Variants in FLOT2 observed in about 807,000 individuals in gnomAD.
FLOT2 encodes the protein flotillin 2, also known as flotillin-2.
In FLOT2, 35 loss-of-function variants were observed where a neutral mutation model predicts 54.9. That is an observed-to-expected ratio of 0.64 (90% CI 0.49 to 0.84). The LOEUF (loss-of-function observed/expected upper bound fraction) is 0.84, where lower values mean the gene tolerates loss of function less well. Ranked by LOEUF, FLOT2 falls within the 40% of genes least tolerant of loss-of-function variation. The probability of loss-of-function intolerance (pLI) is 0.00; values close to 1 mark genes in which losing one functional copy is unlikely to be tolerated. For missense variants in FLOT2, 464 were observed against 572.1 expected, an observed-to-expected ratio of 0.81 and a Z score of 1.93; for synonymous variants, 207 against 228.9, an observed-to-expected ratio of 0.90 and a Z score of 0.86.
chr17:28,893,542 T>C (rs2152650406), intron 1 of FLOT2, among the ~76,000 whole-genome samples: 1 of 151,486 alleles, frequency 6.6e-6, no homozygotes, highest in Non-Finnish European at 1.5e-5. Context: ...CTTCCATACA[T>C]CGCAATGCCT....
intron 1 of FLOT2, among the ~76,000 whole-genome samples, chr17:28,891,906 C>T (rs1435706816): frequency 6.6e-6 from 1 of 152,228 alleles, no homozygotes; most frequent in Admixed American, 6.5e-5. Flanking sequence ...TCTAATACTG[C>T]TTACCAGGTA....
chr17:28,889,311 TGGGCAGA>T (rs919175891), intron 1 of FLOT2, among the ~76,000 whole-genome samples: 1 of 151,424 alleles, frequency 6.6e-6, no homozygotes, highest in African/African-American at 2.4e-5. Context: ...AACAGGACAA[TGGGCAGA>T]GGTGATCTGA....
rs775973244 is a variant in FLOT2, at chr17:28,889,028, T to G, written c.50-2A>C. Reference sequence around the variant, plus strand: ...TATAGTCGGAACCACAACAGCCCCCTGGGGAGCAAAGCAAACCACCGCAAG... The same window carrying G: ...TATAGTCGGAACCACAACAGCCCCCGGGGGAGCAAAGCAAACCACCGCAAG... On this transcript the variant is annotated splice_acceptor_variant, in intron 1 of 10. Transcript: ENST00000394908. LOFTEE classifies it high-confidence loss of function. 3 of 1,613,960 alleles carry G rather than the reference T, an allele frequency of 1.9e-6. No homozygotes were observed. Among genetic ancestry groups the G allele is most frequent in the Non-Finnish European group, 2.5e-6 (3 of 1,179,916 alleles).
chr17:28,879,887 A>G lies in FLOT2; in HGVS notation c.*674T>C, dbSNP rs1257721981. 1 of 986,054 alleles carries G rather than the reference A, an allele frequency of 1.0e-6. No individual in the cohort carries two copies. Among genetic ancestry groups the G allele is most frequent in the Non-Finnish European group, 1.2e-6 (1 of 830,098 alleles). 61.1% of individuals were successfully genotyped at this position (986,054 alleles called of 1,614,324 possible). Reference sequence around the variant, plus strand: ...CTCCTAAGGCAGTAGGAAACTGAGGAAGCTGCTGTAGACAGGAGGCCTTGC... The same window carrying G: ...CTCCTAAGGCAGTAGGAAACTGAGGGAGCTGCTGTAGACAGGAGGCCTTGC... On this transcript the variant is annotated 3_prime_UTR_variant, in exon 11 of 11. Coordinates refer to ENST00000394908, the MANE Select transcript of FLOT2 (RefSeq NM_004475.3).
intron 2 of FLOT2, 25 bp downstream of exon 2, chr17:28,888,920 G>A: frequency 6.3e-7 from 1 of 1,598,154 alleles, no homozygotes. Flanking sequence ...CTCCATGACA[G>A]GTCCTAGAGC....
At chr17:28,888,804 A>AACCCCCCCCCCCC in intron 2 of FLOT2, 141 bp downstream of exon 2, 2 of 299,910 alleles carry the variant, frequency 6.7e-6, no homozygotes, top group Non-Finnish European at 6.9e-6. Context: ...AGTCCCCCCC[A>AACCCCCCCCCCCC]ACCCCACCCC....
chr17:28,888,857 T>C, intron 2 of FLOT2, 88 bp downstream of exon 2: 1 of 716,238 alleles, frequency 1.4e-6, no homozygotes, highest in Non-Finnish European at 2.2e-6. Flanking sequence ...ATGCTCTAGC[T>C]GACCCTCAGA....
chr17:28,879,860 G>A lies in FLOT2; in HGVS notation c.*701C>T, dbSNP rs1598085926. Reference sequence around the variant, plus strand: ...AGGCCTTCCCTGAGCACAAGCAGGGGCCTCCTAAGGCAGTAGGAAACTGAG... The same window carrying A: ...AGGCCTTCCCTGAGCACAAGCAGGGACCTCCTAAGGCAGTAGGAAACTGAG... On this transcript the variant is annotated 3_prime_UTR_variant, in exon 11 of 11. Coordinates refer to ENST00000394908, the MANE Select transcript of FLOT2 (RefSeq NM_004475.3). 6 of 985,994 alleles carry A rather than the reference G, an allele frequency of 6.1e-6. No individual in the cohort carries two copies. The South Asian group carries it at 1.9e-4, about 31-fold the overall frequency. The allele number at this position is 985,994 out of a possible 1,614,324, so 61.1% of individuals were successfully genotyped here.
chr17:28,897,350 C>T lies in FLOT2; in HGVS notation c.49+176G>A. On this transcript the variant is annotated intron_variant, in intron 1 of 10. Transcript: ENST00000394908. The surrounding 1 kb of genome is among the most constrained non-coding windows in gnomAD (Gnocchi z 4.4). ...CCCCTGGTGGGTGCCCGAGGGTGCG[C>T]AGCAAGGAAAGCGTGAGCACGAGAT... The T allele has an allele frequency of 3.5e-6, 2 of 573,132 alleles. No homozygotes were observed. Among genetic ancestry groups the T allele is most frequent in the Non-Finnish European group, 5.9e-6 (2 of 336,740 alleles). The allele number at this position is 573,132 out of a possible 1,614,324, so 35.5% of individuals were successfully genotyped here. A position where few individuals can be genotyped will look rare whatever the true frequency, so the allele number is the denominator to read the frequency against.
intron 1 of FLOT2, 147 bp from the exon 2 acceptor site, chr17:28,889,173 T>TGA (rs1329703752): frequency 1.5e-6 from 1 of 665,252 alleles, no homozygotes; most frequent in Non-Finnish European, 2.7e-6. Context: ...TACACATCAA[T>TGA]GAGAGAGAAG....
chr17:28,881,802 G>A lies in FLOT2; in HGVS notation c.914+12C>T, dbSNP rs1440801929. 6.2e-7 allele frequency: 1 copy of A among 1,611,704 alleles called. No homozygotes were observed. The highest frequency in any genetic ancestry group is 1.1e-5 in the South Asian group (1 of 91,060). On this transcript the variant is annotated intron_variant, in intron 8 of 10. Transcript: ENST00000394908. Reference sequence around the variant, plus strand: ...GACTAAGCCCTGACCCCGGCACCTGGGCGGCTCTCACTTTTCACCCTCGGC... The same window carrying A: ...GACTAAGCCCTGACCCCGGCACCTGAGCGGCTCTCACTTTTCACCCTCGGC...
At chr17:28,888,831 A>G in intron 2 of FLOT2, 114 bp downstream of exon 2, 15 of 373,366 alleles carry the variant, frequency 4.0e-5, no homozygotes, top group East Asian at 1.8e-4. Flanking sequence ...GCCAGAATGG[A>G]ATGTGGAAAT....
chr17:28,885,934 C>T (rs1177227208), intron 2 of FLOT2: 3 of 1,549,982 alleles, frequency 1.9e-6, no homozygotes, highest in Non-Finnish European at 8.7e-7. Context: ...ATGGTCATAA[C>T]CTCCAGAGAC....
intron 2 of FLOT2, chr17:28,885,925 T>A: frequency 6.5e-7 from 1 of 1,550,248 alleles, no homozygotes; most frequent in East Asian, 2.4e-5. Context: ...CGACACAGGA[T>A]GGTCATAACC....
intron 8 of FLOT2, 134 bp from the exon 9 acceptor site, chr17:28,881,509 T>C (rs1040621713): frequency 7.5e-6 from 7 of 939,590 alleles, no homozygotes; most frequent in Non-Finnish European, 1.1e-5. Context: ...CGGAGTGGGG[T>C]GGCCTGACCT....
rs1246490600 is a variant in FLOT2, at chr17:28,884,412, G to C, written c.132-97C>G. On this transcript the variant is annotated intron_variant, in intron 2 of 10. Transcript: ENST00000394908. This position sits in a 1 kb window ranked among gnomAD's most constrained non-coding sequence, Gnocchi z 5.1. Reference sequence around the variant, plus strand: ...TACCTCACTGCTCCGGCTGGGTCCTGGTGAGGAAGGTGGAGGGAGGACTCT... The same window carrying C: ...TACCTCACTGCTCCGGCTGGGTCCTCGTGAGGAAGGTGGAGGGAGGACTCT... 6 of 725,278 alleles carry C rather than the reference G, an allele frequency of 8.3e-6. No individual in the cohort carries two copies. The highest frequency in any genetic ancestry group is 1.4e-5 in the Non-Finnish European group (6 of 425,982). 44.9% of individuals were successfully genotyped at this position (725,278 alleles called of 1,614,324 possible).
Position 28,897,502 on chromosome 17 carries a change from C to A in FLOT2, c.49+24G>T. 1 of 1,599,154 alleles carries A rather than the reference C, an allele frequency of 6.3e-7. No homozygotes were observed. The highest frequency in any genetic ancestry group is 8.5e-7 in the Non-Finnish European group (1 of 1,173,012). On this transcript the variant is annotated intron_variant, in intron 1 of 10. Coordinates refer to ENST00000394908, the MANE Select transcript of FLOT2 (RefSeq NM_004475.3). This position sits in a 1 kb window ranked among gnomAD's most constrained non-coding sequence, Gnocchi z 4.4. The stretch of plus-strand genomic sequence containing the variant: ...CCACCCCGAGCACCCTCCACAGCTC[C>A]CACCTTCCTCGCCGCCCCCTCACCT...
Position 28,880,456 on chromosome 17 carries a change from A to AAGG in FLOT2, c.*104_*105insCCT. The AAGG allele has an allele frequency of 1.9e-6, 3 of 1,540,236 alleles. No individual in the cohort carries two copies. The highest frequency in any genetic ancestry group is 1.7e-6 in the Non-Finnish European group (2 of 1,143,428). ...ACACGCAGCACTTCTGGTCCCTTCG[A>AAGG]GATAAGGCACCAGAGTCAGTAACGT... On this transcript the variant is annotated 3_prime_UTR_variant, in exon 11 of 11. Coordinates refer to ENST00000394908, the MANE Select transcript of FLOT2 (RefSeq NM_004475.3).
Position 28,882,324 on chromosome 17 carries a change from T to C in FLOT2, c.579+13A>G. 6.2e-7 allele frequency: 1 copy of C among 1,613,864 alleles called. No individual in the cohort carries two copies. On this transcript the variant is annotated intron_variant, in intron 6 of 10. Transcript: ENST00000394908. The surrounding 1 kb of genome is among the most constrained non-coding windows in gnomAD (Gnocchi z 5.6). ...CCATCACCCCTGAGCTTCCCATCCT[T>C]GAACCCACATACCCGGATGCCTGCG...
Sources: allele counts gnomAD v4.1 joint callset (sites outside exome capture counted in the v4.1 genomes callset), GRCh38; gene constraint gnomAD v4.1.1; non-coding constraint Gnocchi (gnomAD v3.1); transcripts MANE v1.5; gene names NCBI Gene and HGNC (gene_info 2026-07-23, HGNC 2026-07-21).